Variants in RBFOX1 observed in about 807,000 individuals in gnomAD.
The protein encoded by RBFOX1 is RNA binding fox-1 homolog 1.
In RBFOX1, 8 loss-of-function variants were observed where a neutral mutation model predicts 57.7. The ratio of observed to expected loss-of-function variants is 0.14; its 90% CI spans 0.08 to 0.25. The LOEUF (loss-of-function observed/expected upper bound fraction) is 0.25, where lower values mean the gene tolerates loss of function less well. Among genes scored for constraint, RBFOX1 ranks in the 10% least tolerant of loss-of-function variants. The pLI is 1.00. For synonymous variants in RBFOX1, 326 were observed against 222.4 expected, an observed-to-expected ratio of 1.47 and a Z score of -4.15; for missense variants, 611 against 548.5, an observed-to-expected ratio of 1.11 and a Z score of -1.14.
intron 2 of RBFOX1, among the ~76,000 whole-genome samples, chr16:6,415,362 C>T (rs1596885594): frequency 6.6e-6 from 1 of 151,750 alleles, no homozygotes; most frequent in South Asian, 2.1e-4. Flanking sequence ...AGTGATAAGC[C>T]CAAGCTCATA....
rs148194336 is a variant in RBFOX1 at position 6,008,092 on chromosome 16, C to G, written c.351+140757C>G. On this transcript the variant is annotated intron_variant, in intron 4 of 19. Transcript: ENST00000641259. ...TGGTGGCATGCACCTGTAGTCCCAGCTACTCAGGAGGCTGAAGCAGGAGGG... is the reference window on the plus strand; with the variant it reads ...TGGTGGCATGCACCTGTAGTCCCAGGTACTCAGGAGGCTGAAGCAGGAGGG... 8.2e-3 allele frequency among the ~76,000 whole-genome samples: 1,253 copies of G among 152,246 alleles called. 29 individuals carry two copies. Among genetic ancestry groups the G allele is most frequent in the African/African-American group, 0.028 (1,182 of 41,550 alleles).
intron 1 of RBFOX1, among the ~76,000 whole-genome samples, chr16:6,135,626 A>G (rs186723003): frequency 7.5e-4 from 114 of 152,170 alleles, no homozygotes; most frequent in African/African-American, 2.5e-3. Flanking sequence ...ATTTAAGTGT[A>G]GGTAAATCAG....
At chr16:6,285,319 T>C (rs2076790903) in intron 1 of RBFOX1, among the ~76,000 whole-genome samples, 1 of 152,092 alleles carries the variant, frequency 6.6e-6, no homozygotes, top group Non-Finnish European at 1.5e-5. Context: ...GAAAGGAAAG[T>C]TTAAGACTAT....
intron 4 of RBFOX1, among the ~76,000 whole-genome samples, chr16:7,149,903 A>G (rs920468109): frequency 2.0e-5 from 3 of 152,148 alleles, no homozygotes; most frequent in Admixed American, 6.5e-5. Context: ...TGTCTCATCT[A>G]AACTCCAGCC....
At chr16:7,397,152 G>C (rs550712622) in intron 4 of RBFOX1, among the ~76,000 whole-genome samples, 9 of 152,274 alleles carry the variant, frequency 5.9e-5, no homozygotes, top group Non-Finnish European at 1.0e-4. Flanking sequence ...TGAATTGTAA[G>C]ATCTTTTACC....
chr16:6,903,889 G>T (rs140066965), intron 3 of RBFOX1, among the ~76,000 whole-genome samples: 1 of 152,144 alleles, frequency 6.6e-6, no homozygotes, highest in Non-Finnish European at 1.5e-5. Context: ...GGAGCAAACA[G>T]CTTCTAGATC....
intron 1 of RBFOX1, among the ~76,000 whole-genome samples, chr16:6,260,455 G>C (rs1328637823): frequency 6.6e-6 from 1 of 152,176 alleles, no homozygotes; most frequent in Non-Finnish European, 1.5e-5. Context: ...GATTGAAATG[G>C]AGTGGGCTAG....
At chr16:7,495,814 C>A (rs751274988) in intron 4 of RBFOX1, among the ~76,000 whole-genome samples, 19 of 152,154 alleles carry the variant, frequency 1.2e-4, no homozygotes, top group Non-Finnish European at 2.8e-4. Context: ...AGAACTTATT[C>A]ATGTAAGCAA....
intron 1 of RBFOX1, among the ~76,000 whole-genome samples, chr16:6,064,922 C>T (rs528835001): frequency 5.9e-5 from 9 of 151,630 alleles, no homozygotes; most frequent in South Asian, 4.2e-4. Context: ...ATGGAGAATC[C>T]GAATCAACAG....
chr16:5,635,411 C>T (rs1567327432), intron 3 of RBFOX1, among the ~76,000 whole-genome samples: 1 of 152,198 alleles, frequency 6.6e-6, no homozygotes, highest in African/African-American at 2.4e-5. Flanking sequence ...CACCTGGTGG[C>T]CTCCATTCCT....
At chr16:7,213,952 T>C (rs981202180) in intron 4 of RBFOX1, among the ~76,000 whole-genome samples, 2 of 152,198 alleles carry the variant, frequency 1.3e-5, no homozygotes, top group African/African-American at 2.4e-5. Flanking sequence ...AACTAAAATA[T>C]TCCATTTGCA....
Position 6,660,387 on chromosome 16 carries a change from C to T in RBFOX1, c.-16+5737C>T, listed in dbSNP as rs190645692. On this transcript the variant is annotated intron_variant, in intron 3 of 15. Coordinates refer to ENST00000550418, the MANE Select transcript of RBFOX1 (RefSeq NM_018723.4). ...AACCTGCACATCCCGCACATGTACC[C>T]CAGAACTAAAAATAAACATAAAAAA... is the stretch of plus-strand genomic sequence containing the variant. 9.9e-5 allele frequency among the ~76,000 whole-genome samples: 15 copies of T among 152,134 alleles called. No homozygotes were observed. The East Asian group carries it at 2.7e-3, about 27-fold the overall frequency.
chr16:7,048,572 T>C (rs1312991642), intron 3 of RBFOX1, among the ~76,000 whole-genome samples: 4 of 152,220 alleles, frequency 2.6e-5, no homozygotes, highest in South Asian at 2.1e-4. Context: ...TTTGGTTCTT[T>C]ATTATCTTTT....
At chr16:5,311,437 A>G (rs1436825389) in intron 1 of RBFOX1, among the ~76,000 whole-genome samples, 1 of 152,062 alleles carries the variant, frequency 6.6e-6, no homozygotes, top group Non-Finnish European at 1.5e-5. Flanking sequence ...TGCTGAATTG[A>G]GTGATAGATC....
chr16:7,652,296 C>A (rs1201579163), intron 11 of RBFOX1, among the ~76,000 whole-genome samples: 1 of 152,156 alleles, frequency 6.6e-6, no homozygotes, highest in Non-Finnish European at 1.5e-5. Flanking sequence ...GAGGAAACAG[C>A]AGTAGTTATC....
chr16:7,263,032 G>A (rs2094981200), intron 4 of RBFOX1, among the ~76,000 whole-genome samples: 1 of 152,188 alleles, frequency 6.6e-6, no homozygotes, highest in South Asian at 2.1e-4. Context: ...AGCCTCTGCA[G>A]GTGGAATGAC....
chr16:7,395,510 G>T (rs896456547), intron 4 of RBFOX1, among the ~76,000 whole-genome samples: 8 of 152,198 alleles, frequency 5.3e-5, no homozygotes, highest in Admixed American at 3.3e-4. Flanking sequence ...TTGTTGGACG[G>T]AATACTAAAT....
At chr16:6,611,150 A>G (rs1377662579) in intron 2 of RBFOX1, among the ~76,000 whole-genome samples, 1 of 151,948 alleles carries the variant, frequency 6.6e-6, no homozygotes, top group Non-Finnish European at 1.5e-5. Flanking sequence ...TTGTGTAGTT[A>G]TTTTTTTGAG....
At chr16:5,420,167 C>A (rs1404773181) in intron 1 of RBFOX1, among the ~76,000 whole-genome samples, 1 of 152,146 alleles carries the variant, frequency 6.6e-6, no homozygotes, top group African/African-American at 2.4e-5. Context: ...TGACCAGAGT[C>A]ATACCCAAAA....
Sources: gnomAD v4.1 joint callset for allele counts (sites outside exome capture counted in the v4.1 genomes callset) on GRCh38, gnomAD v4.1.1 for gene constraint, MANE v1.5 for transcripts, NCBI Gene and HGNC (gene_info 2026-07-23, HGNC 2026-07-21) for gene names.